CNTN4: variants seen among roughly 807,000 people sequenced by gnomAD.
CNTN4 encodes the protein contactin 4.
A neutral mutation model predicts 122.5 loss-of-function variants in CNTN4; 77 were observed. The observed-to-expected ratio is 0.63, with a 90% CI of 0.52 to 0.76. The LOEUF is 0.76. Among genes scored for constraint, CNTN4 ranks in the 30% least tolerant of loss-of-function variants. The pLI is 0.00. For missense variants in CNTN4, 1,256 were observed against 1,259.1 expected (o/e 1.00, Z 0.04); for synonymous variants, 512 against 447.0 (o/e 1.15, Z -1.83).
chr3:2,623,769 T>G (rs1201505470), intron 4 of CNTN4, among the ~76,000 whole-genome samples: 1 of 152,046 alleles, frequency 6.6e-6, no homozygotes, highest in Non-Finnish European at 1.5e-5. Flanking sequence ...AATGAAACAG[T>G]AAGGAGAACA....
intron 2 of CNTN4, among the ~76,000 whole-genome samples, chr3:2,239,386 A>G (rs994170466): frequency 5.9e-5 from 9 of 152,186 alleles, no homozygotes; most frequent in African/African-American, 2.2e-4. Flanking sequence ...ACACACAGAT[A>G]CATGCACAGA....
chr3:2,639,168 A>G lies in CNTN4; in HGVS notation c.55+67610A>G, dbSNP rs1312375686. Among the ~76,000 whole-genome samples, 4 of 152,300 alleles carry G rather than the reference A, an allele frequency of 2.6e-5. No homozygotes were observed. In the East Asian group the frequency reaches 7.7e-4, roughly 29 times the overall value. On this transcript the variant is annotated intron_variant, in intron 4 of 24. Coordinates refer to ENST00000418658, the MANE Select transcript of CNTN4 (RefSeq NM_175607.3). ...TTGACTCTCCATTTTACTCAGAGCA[A>G]AGCCAAAGTCCTTCTCTTACTCTGT...
intron 3 of CNTN4, among the ~76,000 whole-genome samples, chr3:2,425,869 G>A (rs1027556654): frequency 2.0e-5 from 3 of 152,092 alleles, no homozygotes; most frequent in African/African-American, 7.2e-5. Context: ...CTCTCTGTTT[G>A]TCTCTTATTG....
At chr3:2,854,035 C>T (rs17584783) in intron 7 of CNTN4, among the ~76,000 whole-genome samples, 67,878 of 151,974 alleles carry the variant, frequency 0.45, 15,364 homozygotes, top group Admixed American at 0.51. Context: ...CTCTTCACTG[C>T]ACCTCAAGGC....
At chr3:2,223,277 A>G (rs2039135346) in intron 2 of CNTN4, among the ~76,000 whole-genome samples, 1 of 152,084 alleles carries the variant, frequency 6.6e-6, no homozygotes, top group African/African-American at 2.4e-5. Flanking sequence ...CGTGGTGGTA[A>G]CCAGTTTAAT....
chr3:2,439,174 T>A (rs921361617), intron 3 of CNTN4, among the ~76,000 whole-genome samples: 1 of 152,194 alleles, frequency 6.6e-6, no homozygotes, highest in Non-Finnish European at 1.5e-5. Context: ...TATTAGAGCA[T>A]TAGGACATTA....
chr3:2,700,532 C>T (rs1020923638), intron 4 of CNTN4, among the ~76,000 whole-genome samples: 1 of 152,156 alleles, frequency 6.6e-6, no homozygotes, highest in Non-Finnish European at 1.5e-5. Flanking sequence ...TCTCTTTTTA[C>T]ATTCCTGCAA....
chr3:2,270,737 T>C (rs1222815316), intron 2 of CNTN4, among the ~76,000 whole-genome samples: 1 of 152,074 alleles, frequency 6.6e-6, no homozygotes, highest in African/African-American at 2.4e-5. Flanking sequence ...AAAATGGAGC[T>C]CAGGAGGACC....
At chr3:2,683,217 A>G (rs765440912) in intron 4 of CNTN4, among the ~76,000 whole-genome samples, 1 of 152,118 alleles carries the variant, frequency 6.6e-6, no homozygotes, top group Non-Finnish European at 1.5e-5. Context: ...GAAAATGACA[A>G]GAAGAGATTG....
chr3:2,165,650 A>G (rs1381538168), intron 2 of CNTN4, among the ~76,000 whole-genome samples: 3 of 152,236 alleles, frequency 2.0e-5, no homozygotes, highest in Non-Finnish European at 4.4e-5. Flanking sequence ...GTATCCAGAA[A>G]TTATTCAAAG....
chr3:2,769,479 C>A (rs373835846), intron 6 of CNTN4, among the ~76,000 whole-genome samples: 86 of 127,858 alleles, frequency 6.7e-4, no homozygotes, highest in African/African-American at 2.3e-3. Context: ...AAAAAAAAAA[C>A]AGAAACAAAA....
rs71058629 is a variant in CNTN4 at position 2,591,352 on chromosome 3, CTTTTTTTTTTTTTT to C, written c.55+19811_55+19824del. 3.6e-4 allele frequency among the ~76,000 whole-genome samples: 13 copies of C among 36,394 alleles called. 2 individuals are homozygous for C. The highest frequency in any genetic ancestry group is 1.1e-3 in the African/African-American group (11 of 10,294). The allele number at this position is 36,394 out of a possible 152,430, so 23.9% of individuals were successfully genotyped here. On this transcript the variant is annotated intron_variant, in intron 4 of 24. Transcript: ENST00000418658. Reference sequence around the variant, plus strand: ...CTTTGAAGAACTAGTAGATTTGTGACTTTTTTTTTTTTTTTTTTTTTTTTTTTTTTGAGACGGAG... The same window carrying C: ...CTTTGAAGAACTAGTAGATTTGTGACTTTTTTTTTTTTTTTTGAGACGGAG...
At chr3:2,919,191 A>C (rs1347129828) in intron 12 of CNTN4, among the ~76,000 whole-genome samples, 1 of 148,572 alleles carries the variant, frequency 6.7e-6, no homozygotes, top group Non-Finnish European at 1.5e-5. Flanking sequence ...TAAAAATACA[A>C]AAAAAAAAAA....
intron 13 of CNTN4, among the ~76,000 whole-genome samples, chr3:2,974,600 A>G (rs17023935): frequency 0.22 from 33,982 of 152,046 alleles, 5,421 homozygotes; most frequent in African/African-American, 0.45. Context: ...GTAGTACATC[A>G]ATGTGGCCGA....
intron 3 of CNTN4, 52 bp from the exon 4 acceptor site, chr3:2,571,364 C>T: frequency 5.6e-6 from 4 of 713,072 alleles, no homozygotes; most frequent in Middle Eastern, 4.7e-4. Context: ...TTGCAGAGAC[C>T]ACAAGGAGAA....
At chr3:2,403,847 T>C (rs2046940350) in intron 3 of CNTN4, among the ~76,000 whole-genome samples, 1 of 151,850 alleles carries the variant, frequency 6.6e-6, no homozygotes, top group East Asian at 1.9e-4. Context: ...ATTTTAAGAG[T>C]TTTTAATTTC....
chr3:2,242,825 G>A (rs2039996304), intron 2 of CNTN4, among the ~76,000 whole-genome samples: 1 of 152,088 alleles, frequency 6.6e-6, no homozygotes, highest in African/African-American at 2.4e-5. Flanking sequence ...ATCTCACAGG[G>A]ATCCAGTATC....
intron 3 of CNTN4, among the ~76,000 whole-genome samples, chr3:2,365,764 TCAAAAGTCATC>T (rs1448964612): frequency 6.6e-6 from 1 of 152,122 alleles, no homozygotes; most frequent in African/African-American, 2.4e-5. Flanking sequence ...TAAATACAGG[TCAAAAGTCATC>T]CACATATAGT....
rs1174140545 is a variant in CNTN4 at position 2,819,711 on chromosome 3, G to C, written c.454+130G>C. On this transcript the variant is annotated intron_variant, in intron 7 of 24. Coordinates refer to ENST00000418658, the MANE Select transcript of CNTN4 (RefSeq NM_175607.3). The stretch of plus-strand genomic sequence containing the variant: ...GATTCCCAAAGCCCCTCCATGTGGA[G>C]GAAAAACCACGGTGAATGCCTCCCA... 3.9e-6 allele frequency: 3 copies of C among 763,948 alleles called. No homozygotes were observed. In the Admixed American group the frequency reaches 6.0e-5, roughly 15 times the overall value. 47.3% of individuals were successfully genotyped at this position (763,948 alleles called of 1,614,324 possible).
Sources: allele counts gnomAD v4.1 joint callset (sites outside exome capture counted in the v4.1 genomes callset), GRCh38; gene constraint gnomAD v4.1.1; transcripts MANE v1.5; gene names NCBI Gene and HGNC (gene_info 2026-07-23, HGNC 2026-07-21).